Variants in GALR1 observed in about 807,000 individuals in gnomAD.
The protein encoded by GALR1 is galanin receptor 1, also known as galanin receptor type 1.
GALR1 carries 11 observed loss-of-function variants against 17.9 expected under a neutral mutation model. That is an observed-to-expected ratio of 0.62 (90% CI 0.39 to 1.02). The LOEUF is 1.02. GALR1 is among the 50% of genes least tolerant of loss of function. The probability of loss-of-function intolerance (pLI) is 0.01; values close to 1 mark genes in which losing one functional copy is unlikely to be tolerated. For synonymous variants in GALR1, 206 were observed against 205.7 expected (o/e 1.00, Z -0.01); for missense variants, 441 against 456.9 (o/e 0.97, Z 0.32).
chr18:77,250,896 C>T lies in GALR1; in HGVS notation c.348C>T (p.Thr116=), dbSNP rs779626434. The part of the protein sequence containing the change: ...FICKFIHYFF[T]VSMLVSIFTL... ...GCAAGTTCATCCACTACTTCTTCACCGTGTCCATGCTGGTGAGCATCTTCA... is the reference window on the plus strand; with the variant it reads ...GCAAGTTCATCCACTACTTCTTCACTGTGTCCATGCTGGTGAGCATCTTCA... The change falls in exon 1 of 3, where the codon ACC becomes ACT. Residue 116 remains threonine (T), a synonymous_variant. Transcript: ENST00000299727. 2.5e-6 allele frequency: 4 copies of T among 1,607,942 alleles called. No individual in the cohort carries two copies. In the East Asian group the frequency reaches 6.7e-5, roughly 27 times the overall value.
At chr18:77,265,673 T>C (rs1307195222) in intron 2 of GALR1, among the ~76,000 whole-genome samples, 3 of 152,260 alleles carry the variant, frequency 2.0e-5, no homozygotes, top group Non-Finnish European at 4.4e-5. Context: ...ATACATCCTC[T>C]GAAATCTAGA....
In GALR1 at chr18:77,275,073, G is replaced by A. The variant is rs71362712; in HGVS notation, c.*6171G>A. On this transcript the variant is annotated 3_prime_UTR_variant, in exon 3 of 3. Transcript: ENST00000299727. ...TCAAGAGCAAGTTATTTTTATAACAGATCATGTGAGCAATTCCTCCATAGC... is the reference window on the plus strand; with the variant it reads ...TCAAGAGCAAGTTATTTTTATAACAAATCATGTGAGCAATTCCTCCATAGC... 0.055 allele frequency: 8,368 copies of A among 152,342 alleles called. 323 individuals are homozygous for A. Among genetic ancestry groups the A allele is most frequent in the Non-Finnish European group, 0.082 (5,593 of 68,038 alleles). 9.4% of individuals were successfully genotyped at this position (152,342 alleles called of 1,614,324 possible). A position where few individuals can be genotyped will look rare whatever the true frequency, so the allele number is the denominator to read the frequency against.
At chr18:77,252,692 A>G (rs995686729) in intron 1 of GALR1, among the ~76,000 whole-genome samples, 8 of 152,070 alleles carry the variant, frequency 5.3e-5, no homozygotes, top group Non-Finnish European at 1.2e-4. Context: ...TACTAAAAAT[A>G]CAAATATTAG....
At chr18:77,259,630 AGTG>A (rs1170282628) in intron 2 of GALR1, among the ~76,000 whole-genome samples, 1 of 125,652 alleles carries the variant, frequency 8.0e-6, no homozygotes, top group Admixed American at 8.1e-5. Context: ...CGATGGTGCC[AGTG>A]GTGGTGGTGA....
chr18:77,253,259 T>C (rs1912513531), intron 1 of GALR1, among the ~76,000 whole-genome samples: 3 of 152,194 alleles, frequency 2.0e-5, no homozygotes, highest in Admixed American at 1.3e-4. Context: ...TTTTATTATT[T>C]AAGGAAAAAG....
intron 2 of GALR1, among the ~76,000 whole-genome samples, chr18:77,259,072 GTCA>G (rs1393538069): frequency 3.4e-4 from 2 of 5,872 alleles, no homozygotes; most frequent in Non-Finnish European, 5.5e-3. Context: ...GGTCATGGTG[GTCA>G]TGGTGGCGAT....
chr18:77,264,164 A>T (rs1376151665), intron 2 of GALR1, among the ~76,000 whole-genome samples: 1 of 116,302 alleles, frequency 8.6e-6, no homozygotes, highest in Non-Finnish European at 1.8e-5. Context: ...AAAAAAAAAA[A>T]GAATCCTTTT....
intron 2 of GALR1, among the ~76,000 whole-genome samples, chr18:77,262,119 T>C (rs1156470304): frequency 1.3e-5 from 2 of 152,110 alleles, no homozygotes; most frequent in Non-Finnish European, 2.9e-5. Context: ...TGAGCCACTG[T>C]TATCTGGCTG....
chr18:77,269,141 A>C lies in GALR1; in HGVS notation c.*239A>C, dbSNP rs1913009970. On this transcript the variant is annotated 3_prime_UTR_variant, in exon 3 of 3. Coordinates refer to ENST00000299727, the MANE Select transcript of GALR1 (RefSeq NM_001480.4). ...AAATTATGTTTCAGAAACAAAAGAC[A>C]ATGCTGTACAGTTTTATTCCTCTTC... 1 of 497,456 alleles carries C rather than the reference A, an allele frequency of 2.0e-6. No individual in the cohort carries two copies. Among genetic ancestry groups the C allele is most frequent in the Admixed American group, 3.8e-5 (1 of 26,426 alleles). 30.8% of individuals were successfully genotyped at this position (497,456 alleles called of 1,614,324 possible). A position where few individuals can be genotyped will look rare whatever the true frequency, so the allele number is the denominator to read the frequency against.
At position 77,270,028 on chromosome 18, in the gene GALR1, G is replaced by C. The variant is rs1394941948; in HGVS notation, c.*1126G>C. ...ATTTCCTCTAAAAATGTTAATTTGG[G>C]GTTAAAACCATCACCATTTGAATTT... On this transcript the variant is annotated 3_prime_UTR_variant, in exon 3 of 3. Transcript: ENST00000299727. 6.6e-6 allele frequency: 1 copy of C among 152,060 alleles called. No homozygotes were observed. The highest frequency in any genetic ancestry group is 2.4e-5 in the African/African-American group (1 of 41,402). 9.4% of individuals were successfully genotyped at this position (152,060 alleles called of 1,614,324 possible).
intron 2 of GALR1, among the ~76,000 whole-genome samples, chr18:77,259,803 G>A (rs1382008930): frequency 6.6e-6 from 1 of 151,972 alleles, no homozygotes; most frequent in African/African-American, 2.4e-5. Flanking sequence ...GCAGAGGCGT[G>A]ATGAGAAGGG....
rs140249407 is a variant in GALR1, at chr18:77,275,142, C to T, written c.*6240C>T. The T allele has an allele frequency of 1.3e-5, 2 of 152,236 alleles. No homozygotes were observed. Among genetic ancestry groups the T allele is most frequent in the Admixed American group, 6.5e-5 (1 of 15,278 alleles). 9.4% of individuals were successfully genotyped at this position (152,236 alleles called of 1,614,324 possible). A position where few individuals can be genotyped will look rare whatever the true frequency, so the allele number is the denominator to read the frequency against. On this transcript the variant is annotated 3_prime_UTR_variant, in exon 3 of 3. Transcript: ENST00000299727. The stretch of plus-strand genomic sequence containing the variant: ...CAGTTGGCATGTGGCCTCCTGAGGG[C>T]CTTGCATGGGGTTCTGGACCCAGCG...
At chr18:77,259,681 G>C (rs1462141643) in intron 2 of GALR1, among the ~76,000 whole-genome samples, 1 of 133,510 alleles carries the variant, frequency 7.5e-6, no homozygotes, top group Non-Finnish European at 1.7e-5. Context: ...TAGTGATGAT[G>C]ATGGTGGCAA....
In GALR1 at chr18:77,250,600, C is replaced by A. The variant is rs539654659; in HGVS notation, c.52C>A (p.Pro18Thr). Residue 18 changes from proline to threonine, a missense_variant, in exon 1 of 3, where the codon CCC becomes ACC. Pro to Thr is a conservative substitution (Grantham distance 38). Coordinates refer to ENST00000299727, the MANE Select transcript of GALR1 (RefSeq NM_001480.4). ...CGAGGGCAACGCGAGCTGGCCGGAGCCCCCCGCCCCGGAGCCCGGGCCGCT... is the reference window on the plus strand; with the variant it reads ...CGAGGGCAACGCGAGCTGGCCGGAGACCCCCGCCCCGGAGCCCGGGCCGCT... ...LSEGNASWPEPPAPEPGPLFG... is the reference protein window; with the variant it reads ...LSEGNASWPETPAPEPGPLFG... The A allele has an allele frequency of 1.3e-6, 2 of 1,555,706 alleles. No individual in the cohort carries two copies. The highest frequency in any genetic ancestry group is 3.8e-5 in the Admixed American group (2 of 52,704).
At position 77,270,758 on chromosome 18, in the gene GALR1, A is replaced by G. The variant is rs1913047044; in HGVS notation, c.*1856A>G. On this transcript the variant is annotated 3_prime_UTR_variant, in exon 3 of 3. Coordinates refer to ENST00000299727, the MANE Select transcript of GALR1 (RefSeq NM_001480.4). ...CTGGATAAAAGGAAAGAAAAACGTTAGAAAGATTTTGAAGTGATGTATTAT... is the reference window on the plus strand; with the variant it reads ...CTGGATAAAAGGAAAGAAAAACGTTGGAAAGATTTTGAAGTGATGTATTAT... 6.6e-6 allele frequency: 1 copy of G among 152,226 alleles called. No homozygotes were observed. The highest frequency in any genetic ancestry group is 1.5e-5 in the Non-Finnish European group (1 of 68,040). The allele number at this position is 152,226 out of a possible 1,614,324, so 9.4% of individuals were successfully genotyped here.
At position 77,250,818 on chromosome 18, in the gene GALR1, C is replaced by T. The variant is rs777171908; in HGVS notation, c.270C>T (p.Pro90=). The T allele has an allele frequency of 5.0e-6, 8 of 1,613,876 alleles. No individual in the cohort carries two copies. The highest frequency in any genetic ancestry group is 2.2e-5 in the South Asian group (2 of 91,088). ...TGGCCTACCTGCTCTTCTGCATCCC[C>T]TTCCAGGCCACCGTGTACGCGCTGC... The part of the protein sequence containing the change: ...ADLAYLLFCI[P]FQATVYALPT... The change falls in exon 1 of 3, where the codon CCC becomes CCT. Residue 90 remains proline (P), a synonymous_variant. Transcript: ENST00000299727.
chr18:77,268,529 C>T, intron 2 of GALR1, 56 bp from the exon 3 acceptor site: 1 of 1,175,728 alleles, frequency 8.5e-7, no homozygotes, highest in East Asian at 2.4e-5. Flanking sequence ...CTTCCTTCTT[C>T]TTCTCCCTTA....
chr18:77,256,956 A>G (rs987111707), intron 2 of GALR1, among the ~76,000 whole-genome samples: 3 of 152,268 alleles, frequency 2.0e-5, no homozygotes, highest in Non-Finnish European at 4.4e-5. Context: ...AATTTTAGGA[A>G]GTAGAATGAG....
In GALR1 at chr18:77,270,074, A is replaced by G. The variant is rs1205525112; in HGVS notation, c.*1172A>G. 6.6e-6 allele frequency: 1 copy of G among 152,236 alleles called. No individual in the cohort carries two copies. The allele number at this position is 152,236 out of a possible 1,614,324, so 9.4% of individuals were successfully genotyped here. On this transcript the variant is annotated 3_prime_UTR_variant, in exon 3 of 3. Coordinates refer to ENST00000299727, the MANE Select transcript of GALR1 (RefSeq NM_001480.4). Reference sequence around the variant, plus strand: ...AATTTCAAATGTAGTTTTCATGACAATTTTATATTGATGTGTGTTTACAAT... The same window carrying G: ...AATTTCAAATGTAGTTTTCATGACAGTTTTATATTGATGTGTGTTTACAAT...
Sources: gnomAD v4.1 joint callset for allele counts (sites outside exome capture counted in the v4.1 genomes callset) on GRCh38, gnomAD v4.1.1 for gene constraint, MANE v1.5 for transcripts, NCBI Gene and HGNC (gene_info 2026-07-23, HGNC 2026-07-21) for gene names.